PRUNE2: variants seen among roughly 807,000 people sequenced by gnomAD.
PRUNE2 encodes the protein prune homolog 2 with BCH domain.
Under a neutral mutation model 252.0 loss-of-function variants are expected in PRUNE2, and 164 were observed. That is an observed-to-expected ratio of 0.65 (90% CI 0.57 to 0.74). The LOEUF is 0.74. PRUNE2 is among the 30% of genes least tolerant of loss of function. The pLI is 0.00. For synonymous variants in PRUNE2, 1,292 were observed against 1,350.2 expected, an observed-to-expected ratio of 0.96 and a Z score of 0.94; for missense variants, 3,495 against 3,711.0, an observed-to-expected ratio of 0.94 and a Z score of 1.51.
At chr9:76,896,722 G>A (rs918910559) in intron 1 of PRUNE2, among the ~76,000 whole-genome samples, 15 of 152,088 alleles carry the variant, frequency 9.9e-5, no homozygotes, top group African/African-American at 1.7e-4. Context: ...TGACACAACC[G>A]AGAGCTGTGT....
chr9:76,767,415 C>A (rs889503073), intron 6 of PRUNE2, among the ~76,000 whole-genome samples: 1 of 151,066 alleles, frequency 6.6e-6, no homozygotes, highest in Non-Finnish European at 1.5e-5. Flanking sequence ...TGTGCCACTG[C>A]GCTCCAGCCT....
In PRUNE2 at chr9:76,709,848, T is replaced by A. The variant is rs747420410; in HGVS notation, c.2426A>T (p.Asp809Val). ...ATTCCAGGTATTTTTTAAAGCTTCA[T>A]CATGATCTTCTTTACCAAATGCACT... The part of the protein sequence containing the change: ...AWSAFGKEDH[D>V]EALKNTWNLH... Residue 809 changes from aspartate to valine, a missense_variant, in exon 8 of 19, where the codon GAT becomes GTT. Coordinates refer to ENST00000376718, the MANE Select transcript of PRUNE2 (RefSeq NM_015225.3). 1 of 1,613,922 alleles carries A rather than the reference T, an allele frequency of 6.2e-7. No individual in the cohort carries two copies. Among genetic ancestry groups the A allele is most frequent in the East Asian group, 2.2e-5 (1 of 44,870 alleles).
intron 6 of PRUNE2, among the ~76,000 whole-genome samples, chr9:76,753,130 A>G (rs1466142012): frequency 3.3e-5 from 5 of 152,116 alleles, no homozygotes; most frequent in African/African-American, 7.2e-5. Context: ...CCTGGGCTCA[A>G]TGGATCCTTC....
chr9:76,842,933 C>T (rs113759862), intron 4 of PRUNE2, among the ~76,000 whole-genome samples: 12,720 of 152,104 alleles, frequency 0.084, 659 homozygotes, highest in East Asian at 0.15. Context: ...CCTCAGGGAT[C>T]TAGAACAAGA....
chr9:76,638,139 A>T, intron 13 of PRUNE2, 47 bp downstream of exon 13: 4 of 1,211,060 alleles, frequency 3.3e-6, no homozygotes, highest in Non-Finnish European at 4.9e-6. Flanking sequence ...CTGCCATTAC[A>T]TGCCACAGAC....
intron 6 of PRUNE2, among the ~76,000 whole-genome samples, chr9:76,810,795 C>G (rs1201366636): frequency 1.3e-5 from 2 of 152,120 alleles, no homozygotes; most frequent in Non-Finnish European, 2.9e-5. Context: ...TCAGTATTGA[C>G]CATGGATGGG....
At position 76,637,429 on chromosome 9, in the gene PRUNE2, C is replaced by T; in HGVS notation, c.8952G>A (p.Met2984Ile). The T allele has an allele frequency of 1.2e-6, 2 of 1,613,596 alleles. No individual in the cohort carries two copies. The highest frequency in any genetic ancestry group is 1.7e-6 in the Non-Finnish European group (2 of 1,179,752). The change falls in exon 14 of 19, where the codon ATG becomes ATA. Residue 2984 changes from methionine to isoleucine, a missense_variant. Transcript: ENST00000376718. ...TAGAGCCCACATACCGTCTGTCAAT[C>T]ATCTGGTAGCATTTCTTCATCCAGC... ...GLGWMKKCYQ[M>I]IDRRLRKNLK... is the part of the protein sequence containing the mutation.
At chr9:76,800,167 A>G (rs1022172216) in intron 6 of PRUNE2, among the ~76,000 whole-genome samples, 1 of 152,144 alleles carries the variant, frequency 6.6e-6, no homozygotes, top group African/African-American at 2.4e-5. Flanking sequence ...CGTCATTTAC[A>G]TTAGGTATTT....
chr9:76,747,618 T>C (rs1034279474), intron 6 of PRUNE2, among the ~76,000 whole-genome samples: 3 of 152,098 alleles, frequency 2.0e-5, no homozygotes, highest in African/African-American at 2.4e-5. Flanking sequence ...TTGGTTCCTG[T>C]ATGTGCTAGG....
At chr9:76,658,912 T>C (rs771012398) in intron 9 of PRUNE2, among the ~76,000 whole-genome samples, 36 of 152,240 alleles carry the variant, frequency 2.4e-4, no homozygotes, top group Non-Finnish European at 4.4e-4. Context: ...GAGTGCATGG[T>C]AGTATTGCAC....
chr9:76,709,962 G>C lies in PRUNE2; in HGVS notation c.2312C>G (p.Ser771Cys). The change falls in exon 8 of 19, where the codon TCT (serine) becomes TGT (cysteine). Residue 771 changes from serine to cysteine, a missense_variant. Physicochemically the swap from Ser to Cys is moderately radical, Grantham distance 112. Transcript: ENST00000376718. ...GGGCATGGCTGTGGGAGAGCGACCAGAATGCCACAAAGAAGCAAAGTCTTC... is the reference window on the plus strand; with the variant it reads ...GGGCATGGCTGTGGGAGAGCGACCACAATGCCACAAAGAAGCAAAGTCTTC... ...LIEDFASLWHSGRSPTAMPEP... is the reference protein window; with the variant it reads ...LIEDFASLWHCGRSPTAMPEP... 6.2e-7 allele frequency: 1 copy of C among 1,613,766 alleles called. No homozygotes were observed. The highest frequency in any genetic ancestry group is 2.2e-5 in the East Asian group (1 of 44,866).
At position 76,756,790 on chromosome 9, in the gene PRUNE2, A is replaced by G. The variant is rs546449859; in HGVS notation, c.757-43069T>C. ...CGCCAAGTGTGAGAAAGCCTCCATC[A>G]CCAGGGACAGGGGGGTGCCTTGATG... On this transcript the variant is annotated intron_variant, in intron 6 of 18. Coordinates refer to ENST00000376718, the MANE Select transcript of PRUNE2 (RefSeq NM_015225.3). Among the ~76,000 whole-genome samples the G allele has an allele frequency of 2.3e-3, 343 of 152,212 alleles. 1 individual carries two copies. Among genetic ancestry groups the G allele is most frequent in the African/African-American group, 8.0e-3 (331 of 41,504 alleles).
intron 9 of PRUNE2, among the ~76,000 whole-genome samples, chr9:76,657,808 T>C (rs1408753654): frequency 6.6e-6 from 1 of 152,216 alleles, no homozygotes; most frequent in Non-Finnish European, 1.5e-5. Context: ...TCACTATAAT[T>C]TGGGCATTAG....
chr9:76,636,972 A>AGTGTGTGTGT (rs367745600), intron 14 of PRUNE2, among the ~76,000 whole-genome samples: 7,445 of 131,406 alleles, frequency 0.057, 303 homozygotes, highest in South Asian at 0.11. Context: ...CAACAACAAA[A>AGTGTGTGTGT]ATGTGTGTGT....
rs111357062 is a variant in PRUNE2 at position 76,868,837 on chromosome 9, T to TGGG, written c.37-14632_37-14630dup. 2.5e-3 allele frequency: 190 copies of TGGG among 77,176 alleles called. 2 individuals carry two copies. Among genetic ancestry groups the TGGG allele is most frequent in the Non-Finnish European group, 4.1e-3 (147 of 35,612 alleles). The allele number at this position is 77,176 out of a possible 1,614,324, so 4.8% of individuals were successfully genotyped here. On this transcript the variant is annotated intron_variant, in intron 1 of 18. Transcript: ENST00000376718. ...TTTACTTTAACAGATCCTTGGGGGG[T>TGGG]GGGGGGGGGGGCGGGGGGGAAGGAA...
chr9:76,835,779 T>A (rs139679797), intron 4 of PRUNE2, among the ~76,000 whole-genome samples: 106 of 152,322 alleles, frequency 7.0e-4, no homozygotes, highest in African/African-American at 2.4e-3. Context: ...TCTGTTCCTT[T>A]CCTATTTGAC....
At chr9:76,738,239 A>C (rs568667322) in intron 6 of PRUNE2, 1 of 152,300 alleles carries the variant, frequency 6.6e-6, no homozygotes, top group African/African-American at 2.4e-5. Flanking sequence ...CGAGCAACCG[A>C]GCTGACTGTT....
chr9:76,809,506 G>A (rs1183642649), intron 6 of PRUNE2, among the ~76,000 whole-genome samples: 1 of 152,130 alleles, frequency 6.6e-6, no homozygotes, highest in Admixed American at 6.5e-5. Flanking sequence ...GACCATCCTG[G>A]CCAACATGGT....
In PRUNE2 at chr9:76,844,066, G is replaced by C. The variant is rs187055751; in HGVS notation, c.508+2449C>G. 4.5e-4 allele frequency among the ~76,000 whole-genome samples: 69 copies of C among 152,244 alleles called. 1 individual carries two copies. The highest frequency in any genetic ancestry group is 6.8e-3 in the Middle Eastern group (2 of 294). Reference sequence around the variant, plus strand: ...TTTTGTATTTACTAACAATTCAGGAGCTTTTAAAAATTGACCTATTACTCC... The same window carrying C: ...TTTTGTATTTACTAACAATTCAGGACCTTTTAAAAATTGACCTATTACTCC... On this transcript the variant is annotated intron_variant, in intron 4 of 18. Transcript: ENST00000376718.
Sources: allele counts gnomAD v4.1 joint callset (sites outside exome capture counted in the v4.1 genomes callset), GRCh38; gene constraint gnomAD v4.1.1; transcripts MANE v1.5; gene names NCBI Gene and HGNC (gene_info 2026-07-23, HGNC 2026-07-21).